Variants in PRIM2 observed in about 807,000 individuals in gnomAD.
PRIM2 encodes the protein DNA primase large subunit.
Under a neutral mutation model 67.3 loss-of-function variants are expected in PRIM2, and 39 were observed. The ratio of observed to expected loss-of-function variants is 0.58; its 90% confidence interval spans 0.45 to 0.76. PRIM2 has a LOEUF of 0.76. Among genes scored for constraint, PRIM2 ranks in the 30% least tolerant of loss-of-function variants. The pLI is 0.00. For synonymous variants in PRIM2, 143 were observed against 198.7 expected (o/e 0.72, Z 2.36); for missense variants, 398 against 598.7 (o/e 0.66, Z 3.50).
upstream of PRIM2, among the ~76,000 whole-genome samples, chr6:57,312,901 C>T (rs1767413650): frequency 6.6e-6 from 1 of 152,056 alleles, no homozygotes; most frequent in African/African-American, 2.4e-5. Flanking sequence ...ATTTTTCCTC[C>T]CTATAGACAG....
the PRIM2 span, among the ~76,000 whole-genome samples, chr6:57,248,503 T>C: frequency 6.6e-6 from 1 of 152,170 alleles, no homozygotes; most frequent in African/African-American, 2.4e-5. Context: ...CAAAGTACAC[T>C]CTAAAGGGTG....
the PRIM2 span, among the ~76,000 whole-genome samples, chr6:57,232,336 A>G: frequency 2.6e-5 from 4 of 152,216 alleles, no homozygotes; most frequent in African/African-American, 2.4e-5. Context: ...GCGGATCATG[A>G]GGTCAGGAGT....
chr6:57,530,097 C>T (rs1486809203), intron 8 of PRIM2, among the ~76,000 whole-genome samples: 25 of 152,086 alleles, frequency 1.6e-4, no homozygotes, highest in South Asian at 4.2e-4. Context: ...CTCAATACTG[C>T]CACATTAGGG....
chr6:57,556,489 C>G (rs1221251793), intron 10 of PRIM2, among the ~76,000 whole-genome samples: 4 of 152,118 alleles, frequency 2.6e-5, no homozygotes, highest in Non-Finnish European at 5.9e-5. Context: ...AGGCTGCACA[C>G]CTACGACCAT....
chr6:57,443,928 A>T (rs1772281184), intron 7 of PRIM2, among the ~76,000 whole-genome samples: 1 of 151,890 alleles, frequency 6.6e-6, no homozygotes, highest in South Asian at 2.1e-4. Context: ...ATTCATTTTG[A>T]GTTGATTTTT....
chr6:57,268,191 T>A, the PRIM2 span, among the ~76,000 whole-genome samples: 1 of 152,174 alleles, frequency 6.6e-6, no homozygotes, highest in African/African-American at 2.4e-5. Context: ...GTCTTCCTAG[T>A]CATATTCCTC....
At chr6:57,244,484 G>C in the PRIM2 span, among the ~76,000 whole-genome samples, 1 of 152,152 alleles carries the variant, frequency 6.6e-6, no homozygotes, top group African/African-American at 2.4e-5. Flanking sequence ...TTGTTGGCTG[G>C]GCGCGGTGGC....
chr6:57,431,430 A>G (rs1771823588), intron 7 of PRIM2, among the ~76,000 whole-genome samples: 1 of 152,074 alleles, frequency 6.6e-6, no homozygotes, highest in South Asian at 2.1e-4. Context: ...AGGTGGGAGG[A>G]TCACTTGATC....
the PRIM2 span, among the ~76,000 whole-genome samples, chr6:57,291,092 T>G: frequency 6.6e-6 from 1 of 151,934 alleles, no homozygotes; most frequent in Non-Finnish European, 1.5e-5. Context: ...AACAAATAGA[T>G]AGACCACTAC....
intron 10 of PRIM2, among the ~76,000 whole-genome samples, chr6:57,558,846 G>T (rs1312697241): frequency 6.6e-6 from 1 of 152,006 alleles, no homozygotes; most frequent in African/African-American, 2.4e-5. Flanking sequence ...TACATTTTGG[G>T]GCTGGGCACG....
the PRIM2 span, among the ~76,000 whole-genome samples, chr6:57,234,524 T>C: frequency 6.6e-6 from 1 of 152,330 alleles, no homozygotes; most frequent in South Asian, 2.1e-4. Context: ...ATTTTTATTT[T>C]ATTTTATTTT....
In PRIM2 at chr6:57,550,265, T is replaced by C. The variant is rs1339077357; in HGVS notation, c.1020+12640T>C. ...TCTCTCTTATAAATATTTTGGTGTA[T>C]AATAAAGATATGTGTATGTTAAGGG... On this transcript the variant is annotated intron_variant, in intron 10 of 13. Transcript: ENST00000615550. Among the ~76,000 whole-genome samples the C allele has an allele frequency of 2.0e-5, 3 of 152,210 alleles. No homozygotes were observed. The East Asian group carries it at 5.8e-4, about 29-fold the overall frequency.
At chr6:57,471,511 G>C (rs1484895765) in intron 7 of PRIM2, among the ~76,000 whole-genome samples, 3 of 152,166 alleles carry the variant, frequency 2.0e-5, no homozygotes, top group Non-Finnish European at 4.4e-5. Flanking sequence ...AGGAAGGTTA[G>C]AAAGGTGGTG....
At chr6:57,310,298 C>T (rs1767356204), upstream of PRIM2, among the ~76,000 whole-genome samples, 1 of 152,240 alleles carries the variant, frequency 6.6e-6, no homozygotes, top group Non-Finnish European at 1.5e-5. Context: ...CAAAGCACAT[C>T]TTGCACCGCC....
chr6:57,408,328 AC>A (rs1280851635), intron 7 of PRIM2, among the ~76,000 whole-genome samples: 1 of 151,780 alleles, frequency 6.6e-6, no homozygotes, highest in East Asian at 1.9e-4. Context: ...GAGAGAAGAG[AC>A]CCCCAGTGTG....
chr6:57,453,665 A>G (rs547326226), intron 7 of PRIM2, among the ~76,000 whole-genome samples: 3 of 152,328 alleles, frequency 2.0e-5, no homozygotes, highest in South Asian at 2.1e-4. Context: ...GAAGTTGCCT[A>G]TCAGCTTAAG....
chr6:57,353,998 T>C (rs1768942943), intron 5 of PRIM2, among the ~76,000 whole-genome samples: 1 of 152,200 alleles, frequency 6.6e-6, no homozygotes, highest in African/African-American at 2.4e-5. Context: ...AGTAATTAGT[T>C]AGCTTGGTGT....
chr6:57,324,153 C>T (rs554804203), intron 3 of PRIM2, 48 bp from the exon 4 acceptor site: 24 of 1,067,914 alleles, frequency 2.2e-5, no homozygotes, highest in Non-Finnish European at 3.3e-5. Flanking sequence ...CCTTACACCT[C>T]TTACCATTCT....
At chr6:57,408,076 T>C (rs1770958688) in intron 7 of PRIM2, among the ~76,000 whole-genome samples, 1 of 152,248 alleles carries the variant, frequency 6.6e-6, no homozygotes. Flanking sequence ...GGCACAAATA[T>C]TCCTTTTTTT....
Sources: gnomAD v4.1 joint callset for allele counts (sites outside exome capture counted in the v4.1 genomes callset) on GRCh38, gnomAD v4.1.1 for gene constraint, MANE v1.5 for transcripts, NCBI Gene and HGNC (gene_info 2026-07-23, HGNC 2026-07-21) for gene names.